The following LHX9 variants were observed in gnomAD, a reference collection of about 807,000 sequenced individuals.
LHX9 encodes the protein LIM homeobox 9, also known as LIM/homeobox protein Lhx9.
Under a neutral mutation model 36.5 loss-of-function variants are expected in LHX9, and 9 were observed. The observed-to-expected ratio is 0.25, with a 90% CI of 0.15 to 0.43. LHX9 has a LOEUF of 0.43. Ranked by LOEUF, LHX9 falls within the 20% of genes least tolerant of loss-of-function variation. The pLI, the probability that LHX9 is intolerant of heterozygous loss-of-function variation, is 1.00. For missense variants in LHX9, 464 were observed against 526.4 expected (o/e 0.88, Z 1.16); for synonymous variants, 211 against 212.1 (o/e 0.99, Z 0.04).
At chr1:197,924,521 C>A (rs1415012971) in intron 3 of LHX9, among the ~76,000 whole-genome samples, 1 of 152,198 alleles carries the variant, frequency 6.6e-6, no homozygotes, top group Non-Finnish European at 1.5e-5. Context: ...GAAATGCTAG[C>A]TTGAAATAAA....
chr1:197,919,714 C>T (rs1482131818), intron 1 of LHX9, among the ~76,000 whole-genome samples: 3 of 152,242 alleles, frequency 2.0e-5, no homozygotes, highest in Non-Finnish European at 4.4e-5. Flanking sequence ...TTAAGCGAGG[C>T]TCCGGATGGC....
upstream of LHX9, chr1:197,917,111 TGTGTGCGC>T (rs932340914): frequency 3.7e-5 from 7 of 191,020 alleles, no homozygotes; most frequent in African/African-American, 1.8e-4. Context: ...TGTGTGTGTG[TGTGTGCGC>T]GCGCGCGCGC....
At position 197,933,793 on chromosome 1, in the gene LHX9, GT is replaced by G. The variant is rs1211505775; in HGVS notation, c.*4535del. 6.6e-6 allele frequency: 1 copy of G among 151,818 alleles called. No individual in the cohort carries two copies. Among genetic ancestry groups the G allele is most frequent in the Middle Eastern group, 3.2e-3 (1 of 316 alleles). 9.4% of individuals were successfully genotyped at this position (151,818 alleles called of 1,614,324 possible). A position where few individuals can be genotyped will look rare whatever the true frequency, so the allele number is the denominator to read the frequency against. ...AGAGAAAGGAGTACTAATTATGTGA[GT>G]GGGAAGAGGAAGCGTGTGATGCAGA... is the stretch of plus-strand genomic sequence containing the variant. On this transcript the variant is annotated 3_prime_UTR_variant, in exon 5 of 5. Transcript: ENST00000367387.
upstream of LHX9, chr1:197,917,261 T>A: frequency 8.2e-7 from 1 of 1,218,496 alleles, no homozygotes; most frequent in Non-Finnish European, 1.0e-6. Context: ...AGGTCTTTGT[T>A]GTCTGAATAA....
intron 3 of LHX9, among the ~76,000 whole-genome samples, chr1:197,925,276 A>G (rs1660108455): frequency 6.6e-6 from 1 of 152,128 alleles, no homozygotes. Context: ...ATCTTACTAC[A>G]ATTATTTTTC....
intron 2 of LHX9, 122 bp downstream of exon 2, chr1:197,920,296 G>C (rs897257950): frequency 1.4e-6 from 1 of 697,034 alleles, no homozygotes; most frequent in African/African-American, 1.9e-5. Flanking sequence ...TATCATTTCG[G>C]AGACCAGGCA....
intron 2 of LHX9, among the ~76,000 whole-genome samples, 173 bp downstream of exon 2, chr1:197,920,347 G>T: frequency 6.9e-6 from 1 of 144,296 alleles, no homozygotes; most frequent in South Asian, 2.3e-4. Context: ...CTCCCTGACC[G>T]ACGGTGAGGG....
rs1660410039 is a variant in LHX9 at position 197,934,745 on chromosome 1, C to T, written c.*5486C>T. ...TAAATAAAATGCCTCTAATGTAAAG[C>T]CACAGCCCTGCTTCTAGCCAATGTC... On this transcript the variant is annotated 3_prime_UTR_variant, in exon 5 of 5. Coordinates refer to ENST00000367387, the MANE Select transcript of LHX9 (RefSeq NM_020204.3). 2 of 151,740 alleles carry T rather than the reference C, an allele frequency of 1.3e-5. No individual in the cohort carries two copies. Among genetic ancestry groups the T allele is most frequent in the Non-Finnish European group, 2.9e-5 (2 of 67,962 alleles). The allele number at this position is 151,740 out of a possible 1,614,324, so 9.4% of individuals were successfully genotyped here. A position where few individuals can be genotyped will look rare whatever the true frequency, so the allele number is the denominator to read the frequency against.
At position 197,929,124 on chromosome 1, in the gene LHX9, C is replaced by T; in HGVS notation, c.1059C>T (p.Leu353=). 1 of 1,613,766 alleles carries T rather than the reference C, an allele frequency of 6.2e-7. No homozygotes were observed. The highest frequency in any genetic ancestry group is 8.5e-7 in the Non-Finnish European group (1 of 1,179,914). Residue 353 remains leucine (L), a synonymous_variant, in exon 5 of 5, where the codon CTC becomes CTT. Coordinates refer to ENST00000367387, the MANE Select transcript of LHX9 (RefSeq NM_020204.3). ...PAPPSADSGA[L]TPPGTATTLT... is the part of the protein sequence containing the mutation. ...CGCCCTCAGCAGACAGCGGAGCTCTCACTCCACCCGGCACTGCGACCACTT... is the reference window on the plus strand; with the variant it reads ...CGCCCTCAGCAGACAGCGGAGCTCTTACTCCACCCGGCACTGCGACCACTT...
In LHX9 at chr1:197,930,353, A is replaced by G. The variant is rs1660293623; in HGVS notation, c.*1094A>G. ...TGAAGTTATTAGTCTTAAAGTAGAT[A>G]AACTCAGAAGCCTTGTGGATGCTGA... On this transcript the variant is annotated 3_prime_UTR_variant, in exon 5 of 5. Coordinates refer to ENST00000367387, the MANE Select transcript of LHX9 (RefSeq NM_020204.3). 6.6e-6 allele frequency: 1 copy of G among 152,280 alleles called. No individual in the cohort carries two copies. Among genetic ancestry groups the G allele is most frequent in the South Asian group, 2.1e-4 (1 of 4,832 alleles). The allele number at this position is 152,280 out of a possible 1,614,324, so 9.4% of individuals were successfully genotyped here.
At chr1:197,918,934 G>A (rs938756749) in intron 1 of LHX9, among the ~76,000 whole-genome samples, 3 of 151,768 alleles carry the variant, frequency 2.0e-5, no homozygotes, top group Non-Finnish European at 4.4e-5. Flanking sequence ...CTGGGTTTTG[G>A]GTCCGGCCAA....
intron 1 of LHX9, chr1:197,918,229 A>G: frequency 1.4e-6 from 1 of 713,936 alleles, no homozygotes; most frequent in Non-Finnish European, 2.6e-6. Flanking sequence ...ATTCCGAAAG[A>G]GCAGGGAGAG....
chr1:197,924,479 A>G (rs1301475590), intron 3 of LHX9, among the ~76,000 whole-genome samples: 3 of 152,212 alleles, frequency 2.0e-5, no homozygotes, highest in Non-Finnish European at 4.4e-5. Flanking sequence ...AATCAGGCAA[A>G]TATTTTAGAA....
At position 197,929,734 on chromosome 1, in the gene LHX9, A is replaced by G; in HGVS notation, c.*475A>G. ...GATTATGGAGTTTTGAAAACGTTAC[A>G]TTTTTTAAATCTTAAAACTGAAAAC... On this transcript the variant is annotated 3_prime_UTR_variant, in exon 5 of 5. Coordinates refer to ENST00000367387, the MANE Select transcript of LHX9 (RefSeq NM_020204.3). The G allele has an allele frequency of 4.2e-6, 4 of 946,774 alleles. No homozygotes were observed. The highest frequency in any genetic ancestry group is 5.0e-6 in the Non-Finnish European group (4 of 794,602). 58.6% of individuals were successfully genotyped at this position (946,774 alleles called of 1,614,324 possible).
chr1:197,929,434 C>G lies in LHX9; in HGVS notation c.*175C>G, dbSNP rs568745513. The G allele has an allele frequency of 7.1e-6, 8 of 1,129,574 alleles. No homozygotes were observed. The highest frequency in any genetic ancestry group is 8.6e-6 in the Non-Finnish European group (8 of 925,466). The allele number at this position is 1,129,574 out of a possible 1,614,324, so 70.0% of individuals were successfully genotyped here. A position where few individuals can be genotyped will look rare whatever the true frequency, so the allele number is the denominator to read the frequency against. ...TGCAGCCACTTGGCAAATGAGTTTA[C>G]AGTATTGTCTCCTTTAAGTGAATAT... On this transcript the variant is annotated 3_prime_UTR_variant, in exon 5 of 5. Coordinates refer to ENST00000367387, the MANE Select transcript of LHX9 (RefSeq NM_020204.3).
chr1:197,932,102 T>A lies in LHX9; in HGVS notation c.*2843T>A. Reference sequence around the variant, plus strand: ...AAAAAAAAAGAGAGAGAGAGAGACTTAAATGTCATTTACTGAATGTTAACG... The same window carrying A: ...AAAAAAAAAGAGAGAGAGAGAGACTAAAATGTCATTTACTGAATGTTAACG... On this transcript the variant is annotated 3_prime_UTR_variant, in exon 5 of 5. Transcript: ENST00000367387. The A allele has an allele frequency of 4.9e-6, 3 of 609,798 alleles. No individual in the cohort carries two copies. The highest frequency in any genetic ancestry group is 5.8e-6 in the Non-Finnish European group (2 of 347,822). 37.8% of individuals were successfully genotyped at this position (609,798 alleles called of 1,614,324 possible).
chr1:197,931,753 A>C lies in LHX9; in HGVS notation c.*2494A>C. 1 of 509,022 alleles carries C rather than the reference A, an allele frequency of 2.0e-6. No individual in the cohort carries two copies. The allele number at this position is 509,022 out of a possible 1,614,324, so 31.5% of individuals were successfully genotyped here. The stretch of plus-strand genomic sequence containing the variant: ...TCCAATTTTTAGAATAAAAAGGCTA[A>C]TTAGCATATAAAGTAATTGCATGGA... On this transcript the variant is annotated 3_prime_UTR_variant, in exon 5 of 5. Coordinates refer to ENST00000367387, the MANE Select transcript of LHX9 (RefSeq NM_020204.3).
At position 197,928,713 on chromosome 1, in the gene LHX9, C is replaced by T. The variant is rs77599344; in HGVS notation, c.937-289C>T. On this transcript the variant is annotated intron_variant, in intron 4 of 4. Transcript: ENST00000367387. ...CCATGTGTTCATTTCCATGGTATAT[C>T]CACTTAAGCATCAGTTGTTCCAAGT... Among the ~76,000 whole-genome samples the T allele has an allele frequency of 2.7e-4, 41 of 151,980 alleles. No individual in the cohort carries two copies. In the East Asian group the frequency reaches 7.9e-3, roughly 29 times the overall value.
At position 197,921,405 on chromosome 1, in the gene LHX9, C is replaced by A. The variant is rs1416179789; in HGVS notation, c.479C>A (p.Thr160Asn). 5 of 1,614,232 alleles carry A rather than the reference C, an allele frequency of 3.1e-6. No homozygotes were observed. The highest frequency in any genetic ancestry group is 4.2e-6 in the Non-Finnish European group (5 of 1,180,042). ...RDSVYHLSCF[T>N]CSTCNKTLTT... ...TCTGTCTACCACCTGAGCTGCTTCA[C>A]CTGCTCCACTTGCAACAAGACTCTG... Residue 160 changes from threonine (T) to asparagine (N), a missense_variant, in exon 3 of 5, where the codon ACC becomes AAC. Coordinates refer to ENST00000367387, the MANE Select transcript of LHX9 (RefSeq NM_020204.3). This position sits in a 1 kb window ranked among gnomAD's most constrained non-coding sequence, Gnocchi z 4.6.
Sources: gnomAD v4.1 joint callset for allele counts (sites outside exome capture counted in the v4.1 genomes callset) on GRCh38, gnomAD v4.1.1 for gene constraint, Gnocchi (gnomAD v3.1) non-coding constraint, MANE v1.5 for transcripts, NCBI Gene and HGNC (gene_info 2026-07-23, HGNC 2026-07-21) for gene names.